The following DACH2 variants were observed in gnomAD, a reference collection of about 807,000 sequenced individuals.
DACH2 encodes dachshund family transcription factor 2.
A neutral mutation model predicts 35.8 loss-of-function variants in DACH2; 17 were observed. That is an observed-to-expected ratio of 0.48 (90% CI 0.33 to 0.71). The LOEUF (loss-of-function observed/expected upper bound fraction) is 0.71. DACH2 is among the 30% of genes least tolerant of loss of function. DACH2 has a pLI of 0.02. For synonymous variants in DACH2, 195 were observed against 177.3 expected (o/e 1.10, Z -0.79); for missense variants, 469 against 472.7 (o/e 0.99, Z 0.07).
At chrX:86,647,261 A>T (rs1307284112) in intron 3 of DACH2, among the ~76,000 whole-genome samples, 1 of 110,944 alleles carries the variant, frequency 9.0e-6, no homozygotes, top group Non-Finnish European at 1.9e-5. Flanking sequence ...CCAATATATT[A>T]AAAACCCTAA....
intron 3 of DACH2, among the ~76,000 whole-genome samples, chrX:86,627,128 C>T (rs2040147579): frequency 8.9e-6 from 1 of 111,887 alleles, no homozygotes; most frequent in African/African-American, 3.2e-5. Context: ...AAACTGAATG[C>T]CTTTAAGAGC....
chrX:86,569,000 A>T (rs927698740), intron 3 of DACH2, among the ~76,000 whole-genome samples: 1 of 111,378 alleles, frequency 9.0e-6, no homozygotes, highest in African/African-American at 3.3e-5. Context: ...GTATCTGAGC[A>T]TATCTAAAAC....
At chrX:86,669,886 A>G (rs1218477205) in intron 4 of DACH2, among the ~76,000 whole-genome samples, 1 of 111,137 alleles carries the variant, frequency 9.0e-6, no homozygotes, top group African/African-American at 3.3e-5. Context: ...ATTTGCTATG[A>G]TAACTAGCAT....
In DACH2 at chrX:86,520,187, GC is replaced by G. The variant is rs776152501; in HGVS notation, c.640+5797del. On this transcript the variant is annotated intron_variant, in intron 3 of 11. Transcript: ENST00000373125. ...CCCAAAAGTCATTCAGGAGCATGTTGCTTAATTCCCATGTAATTGTATGGTT... is the reference window on the plus strand; with the variant it reads ...CCCAAAAGTCATTCAGGAGCATGTTGTTAATTCCCATGTAATTGTATGGTT... 7.4e-4 allele frequency among the ~76,000 whole-genome samples: 83 copies of G among 111,697 alleles called. 1 individual carries two copies. The highest frequency in any genetic ancestry group is 4.2e-3 in the East Asian group (15 of 3,555).
chrX:86,783,653 T>C (rs970710120), intron 7 of DACH2, among the ~76,000 whole-genome samples: 1 of 112,012 alleles, frequency 8.9e-6, no homozygotes, highest in Non-Finnish European at 1.9e-5. Context: ...TTAAGTGAAA[T>C]AAGTCAGACA....
chrX:86,162,145 A>G (rs977676780), intron 1 of DACH2, among the ~76,000 whole-genome samples: 4 of 110,986 alleles, frequency 3.6e-5, no homozygotes, highest in Admixed American at 2.9e-4. Context: ...AATAAAATCC[A>G]AGAATTCCTT....
intron 3 of DACH2, among the ~76,000 whole-genome samples, chrX:86,526,748 G>A (rs1285485398): frequency 1.9e-5 from 2 of 106,266 alleles, no homozygotes; most frequent in Admixed American, 2.1e-4. Flanking sequence ...GATCAAACTG[G>A]GTTAGCAAAT....
chrX:86,470,052 G>A (rs1301952793), intron 2 of DACH2, among the ~76,000 whole-genome samples: 1 of 95,725 alleles, frequency 1.0e-5, no homozygotes, highest in Non-Finnish European at 1.9e-5. Context: ...TTGATATTCT[G>A]CTGTGGCACT....
intron 2 of DACH2, among the ~76,000 whole-genome samples, chrX:86,388,292 G>A (rs937305739): frequency 3.6e-5 from 4 of 112,072 alleles, no homozygotes; most frequent in Non-Finnish European, 7.5e-5. Context: ...TGTACAATTT[G>A]TGCTATCAGG....
chrX:86,251,343 A>C (rs2033395939), intron 1 of DACH2, among the ~76,000 whole-genome samples: 1 of 110,776 alleles, frequency 9.0e-6, no homozygotes, highest in African/African-American at 3.3e-5. Context: ...AATCGTTTTA[A>C]ATTTTTATTT....
At chrX:86,369,313 A>T (rs1388967845) in intron 1 of DACH2, among the ~76,000 whole-genome samples, 1 of 111,280 alleles carries the variant, frequency 9.0e-6, no homozygotes, top group Admixed American at 9.6e-5. Flanking sequence ...TATTTATCTT[A>T]TTTTGAAATA....
At chrX:86,484,766 A>G (rs941544316) in intron 2 of DACH2, among the ~76,000 whole-genome samples, 2 of 112,333 alleles carry the variant, frequency 1.8e-5, no homozygotes, top group African/African-American at 6.5e-5. Context: ...TTCATCTTAT[A>G]TGATAGATAC....
At chrX:86,310,257 C>T (rs2034770975) in intron 1 of DACH2, among the ~76,000 whole-genome samples, 2 of 111,860 alleles carry the variant, frequency 1.8e-5, no homozygotes, top group South Asian at 7.5e-4. Flanking sequence ...ATTCCATCAT[C>T]AAATGGAAGT....
chrX:86,210,455 T>TA (rs1019850605), intron 1 of DACH2, among the ~76,000 whole-genome samples: 1 of 111,730 alleles, frequency 9.0e-6, no homozygotes, highest in African/African-American at 3.2e-5. Context: ...GTTTAATTTT[T>TA]AAAAAAATCT....
rs116549601 is a variant in DACH2 at position 86,483,243 on chromosome X, G to A, written c.528-31036G>A. On this transcript the variant is annotated intron_variant, in intron 2 of 11. Coordinates refer to ENST00000373125, the MANE Select transcript of DACH2 (RefSeq NM_053281.3). Reference sequence around the variant, plus strand: ...CCAAGCAGCATCTTTACCAGCCAATGGTTGTCTTGGAATTCTAAAATAAAT... The same window carrying A: ...CCAAGCAGCATCTTTACCAGCCAATAGTTGTCTTGGAATTCTAAAATAAAT... Among the ~76,000 whole-genome samples the A allele has an allele frequency of 5.2e-3, 570 of 110,296 alleles. 5 individuals are homozygous for A. The highest frequency in any genetic ancestry group is 0.018 in the African/African-American group (546 of 30,307).
rs2035437731 is a variant in DACH2 at position 86,342,990 on chromosome X, AGATATAT to A, written c.489-33833_489-33827del. On this transcript the variant is annotated intron_variant, in intron 1 of 11. Transcript: ENST00000373125. ...TAAAGCACAATAATTGTTTAAATTA[AGATATAT>A]ACATTGGCTTTTTAGACATCATACA... Among the ~76,000 whole-genome samples, 3 of 111,476 alleles carry A rather than the reference AGATATAT, an allele frequency of 2.7e-5. No individual in the cohort carries two copies. The South Asian group carries it at 1.1e-3, about 42-fold the overall frequency.
chrX:86,206,565 C>T (rs1222272053), intron 1 of DACH2, among the ~76,000 whole-genome samples: 2 of 112,074 alleles, frequency 1.8e-5, no homozygotes, highest in African/African-American at 6.5e-5. Flanking sequence ...CGTCATGATA[C>T]AATAGAAAGA....
chrX:86,755,372 C>A (rs1003646871), intron 7 of DACH2, among the ~76,000 whole-genome samples: 8 of 110,877 alleles, frequency 7.2e-5, no homozygotes, highest in Non-Finnish European at 1.5e-4. Context: ...AACAGGCTGT[C>A]TCTTTACTTT....
intron 11 of DACH2, among the ~76,000 whole-genome samples, chrX:86,820,457 C>G (rs1292621416): frequency 9.1e-6 from 1 of 110,075 alleles, no homozygotes; most frequent in Non-Finnish European, 1.9e-5. Context: ...AGTAAACCTA[C>G]TAGACCTTTT....
Sources: gnomAD v4.1 joint callset for allele counts (sites outside exome capture counted in the v4.1 genomes callset) on GRCh38, gnomAD v4.1.1 for gene constraint, MANE v1.5 for transcripts, NCBI Gene and HGNC (gene_info 2026-07-23, HGNC 2026-07-21) for gene names.